Variants in MTCL1 observed in about 807,000 individuals in gnomAD.
MTCL1 encodes microtubule cross-linking factor 1.
A neutral mutation model predicts 141.4 loss-of-function variants in MTCL1; 79 were observed. The observed-to-expected ratio is 0.56, with a 90% CI of 0.47 to 0.67. The LOEUF is 0.67. Among genes scored for constraint, MTCL1 ranks in the 30% least tolerant of loss-of-function variants. MTCL1 has a pLI of 0.00. For synonymous variants in MTCL1, 914 were observed against 875.8 expected, an observed-to-expected ratio of 1.04 and a Z score of -0.77; for missense variants, 2,177 against 2,113.9, an observed-to-expected ratio of 1.03 and a Z score of -0.59.
At chr18:8,717,781 T>C in intron 1 of MTCL1, 2 of 476,188 alleles carry the variant, frequency 4.2e-6, no homozygotes, top group Non-Finnish European at 5.5e-6. Context: ...GGTTCCCCTG[T>C]ATTCAGGGTG....
At chr18:8,805,068 A>G (rs1394631907) in intron 10 of MTCL1, among the ~76,000 whole-genome samples, 3 of 150,120 alleles carry the variant, frequency 2.0e-5, no homozygotes, top group Non-Finnish European at 2.9e-5. Context: ...GCTCATATTA[A>G]AGAATTTCTC....
chr18:8,784,423 C>G (rs201042941), exon 6 of MTCL1: 3 of 1,527,872 alleles, frequency 2.0e-6, no homozygotes, highest in Non-Finnish European at 2.6e-6. Context: ...CGGAGGCCAG[C>G]GAGCCATGCC....
chr18:8,710,639 G>T (rs1370227379), intron 1 of MTCL1, among the ~76,000 whole-genome samples: 2 of 151,040 alleles, frequency 1.3e-5, no homozygotes, highest in Non-Finnish European at 1.5e-5. Context: ...GTTTAAGGTG[G>T]TAATGAAATC....
exon 13 of MTCL1, chr18:8,818,997 G>C: frequency 1.2e-6 from 2 of 1,614,148 alleles, no homozygotes; most frequent in Non-Finnish European, 1.7e-6. Flanking sequence ...AGAGGTGGCA[G>C]TTTCCTCTGT....
intron 4 of MTCL1, among the ~76,000 whole-genome samples, chr18:8,749,871 C>T (rs2148947991): frequency 6.6e-6 from 1 of 152,274 alleles, no homozygotes; most frequent in East Asian, 1.9e-4. Context: ...TGGGACCCAG[C>T]TATAAACTTG....
intron 12 of MTCL1, among the ~76,000 whole-genome samples, chr18:8,816,196 C>A (rs1326161607): frequency 6.6e-6 from 1 of 152,186 alleles, no homozygotes; most frequent in African/African-American, 2.4e-5. Context: ...TAGCTACATA[C>A]TCCGTAGATA....
chr18:8,706,063 G>A, exon 1 of MTCL1: 1 of 1,192,900 alleles, frequency 8.4e-7, no homozygotes, highest in South Asian at 4.2e-5. Context: ...GGCGGCGCGC[G>A]TGGCGCCCGC....
At chr18:8,759,864 C>T (rs1270117870) in intron 4 of MTCL1, among the ~76,000 whole-genome samples, 1 of 152,038 alleles carries the variant, frequency 6.6e-6, no homozygotes, top group Non-Finnish European at 1.5e-5. Flanking sequence ...CACGTCCTGG[C>T]AGAGGGAGGG....
chr18:8,784,294 G>A, exon 6 of MTCL1: 1 of 1,581,914 alleles, frequency 6.3e-7, no homozygotes, highest in Non-Finnish European at 8.6e-7. Context: ...CGGGCAAGAA[G>A]GAGAGTGATG....
At chr18:8,780,023 A>C (rs1180088327) in intron 5 of MTCL1, among the ~76,000 whole-genome samples, 1 of 152,112 alleles carries the variant, frequency 6.6e-6, no homozygotes, top group African/African-American at 2.4e-5. Flanking sequence ...TGAGGGCTCT[A>C]TGGGGACCTT....
chr18:8,718,611 A>G (rs1480440908), exon 3 of MTCL1: 1 of 1,613,612 alleles, frequency 6.2e-7, no homozygotes, highest in Non-Finnish European at 8.5e-7. Flanking sequence ...GGTCAGGTGG[A>G]TGGTGAGCTT....
In MTCL1 at chr18:8,783,396, C is replaced by G. The variant is rs1252635045; in HGVS notation, c.418-134C>G. 4 of 863,174 alleles carry G rather than the reference C, an allele frequency of 4.6e-6. No individual in the cohort carries two copies. The African/African-American group carries it at 6.8e-5, about 15-fold the overall frequency. The allele number at this position is 863,174 out of a possible 1,614,324, so 53.5% of individuals were successfully genotyped here. A position where few individuals can be genotyped will look rare whatever the true frequency, so the allele number is the denominator to read the frequency against. On this transcript the variant is annotated intron_variant, in intron 5 of 16. Coordinates refer to ENST00000359865, the Ensembl canonical transcript of MTCL1. ...TTGTCTTGGCTGTTTCTCTATGTAACTCAGCGGCACCGATGGGAAGATCGG... is the reference window on the plus strand; with the variant it reads ...TTGTCTTGGCTGTTTCTCTATGTAAGTCAGCGGCACCGATGGGAAGATCGG...
At chr18:8,720,373 A>T (rs1372719305) in exon 4 of MTCL1, 1 of 1,614,100 alleles carries the variant, frequency 6.2e-7, no homozygotes, top group African/African-American at 1.3e-5. Context: ...TGCACCACGA[A>T]CTTAAGACGG....
intron 8 of MTCL1, among the ~76,000 whole-genome samples, 184 bp from the exon 8 acceptor site, chr18:8,796,048 C>T (rs1462862952): frequency 6.6e-6 from 1 of 152,188 alleles, no homozygotes; most frequent in Non-Finnish European, 1.5e-5. Flanking sequence ...TCGCAATACT[C>T]ATGAGGTTTT....
intron 4 of MTCL1, among the ~76,000 whole-genome samples, chr18:8,773,240 T>TCCCCCTGCA (rs2096492107): frequency 6.6e-6 from 1 of 152,062 alleles, no homozygotes; most frequent in South Asian, 2.1e-4. Flanking sequence ...TGCACCACCA[T>TCCCCCTGCA]CCCCCTGCAC....
At chr18:8,784,737 C>T in exon 6 of MTCL1, 1 of 1,614,214 alleles carries the variant, frequency 6.2e-7, no homozygotes, top group Non-Finnish European at 8.5e-7. Context: ...GGCCTATCCC[C>T]CTTGCCCCAC....
chr18:8,720,302 T>A, intron 3 of MTCL1, 36 bp from the exon 3 acceptor site: 1 of 1,611,214 alleles, frequency 6.2e-7, no homozygotes, highest in East Asian at 2.2e-5. Flanking sequence ...ACAAAAAGCC[T>A]CATATCCTGA....
chr18:8,756,395 ATGTATATATGTGTGTATATG>A (rs2096399123), intron 4 of MTCL1, among the ~76,000 whole-genome samples: 1 of 148,118 alleles, frequency 6.8e-6, no homozygotes, highest in African/African-American at 2.5e-5. Flanking sequence ...ATGTGTATAT[ATGTATATATGTGTGTATATG>A]TGTATATATG....
At chr18:8,824,674 A>G in intron 14 of MTCL1, 25 bp from the exon 14 acceptor site, 1 of 1,582,584 alleles carries the variant, frequency 6.3e-7, no homozygotes. Flanking sequence ...GCAGGTACTG[A>G]CACCCTCTTT....
Sources: allele counts gnomAD v4.1 joint callset (sites outside exome capture counted in the v4.1 genomes callset), GRCh38; gene constraint gnomAD v4.1.1; transcripts MANE v1.5; gene names NCBI Gene and HGNC (gene_info 2026-07-23, HGNC 2026-07-21).